FNDC3B: variants seen among roughly 807,000 people sequenced by gnomAD.
The protein encoded by FNDC3B is fibronectin type III domain containing 3B, also known as fibronectin type III domain-containing protein 3B.
FNDC3B carries 12 observed loss-of-function variants against 151.5 expected under a neutral mutation model. That is an observed-to-expected ratio of 0.08 (90% CI 0.05 to 0.13). The LOEUF (loss-of-function observed/expected upper bound fraction) is 0.13, where lower values mean the gene tolerates loss of function less well. FNDC3B is among the 10% of genes least tolerant of loss of function. FNDC3B has a pLI of 1.00. For synonymous variants in FNDC3B, 528 were observed against 549.0 expected (o/e 0.96, Z 0.54); for missense variants, 1,214 against 1,505.3 (o/e 0.81, Z 3.20).
rs1023339307 is a variant in FNDC3B at position 172,400,686 on chromosome 3, A to C, written c.*3211A>C. ...TATATTTATGCCCAATAAATGTTTT[A>C]ATTCTTTCTGACTTAAATAGGGTTT... On this transcript the variant is annotated 3_prime_UTR_variant, in exon 26 of 26. Transcript: ENST00000415807. 1.3e-5 allele frequency: 2 copies of C among 152,496 alleles called. No individual in the cohort carries two copies. The highest frequency in any genetic ancestry group is 2.1e-4 in the South Asian group (1 of 4,826). 9.4% of individuals were successfully genotyped at this position (152,496 alleles called of 1,614,324 possible).
intron 4 of FNDC3B, among the ~76,000 whole-genome samples, chr3:172,246,030 G>A (rs1391152762): frequency 2.0e-5 from 3 of 152,006 alleles, no homozygotes; most frequent in Admixed American, 6.6e-5. Context: ...TCTGTCTTAA[G>A]CACTACTTTT....
rs548970901 is a variant in FNDC3B, at chr3:172,045,531, AC to A, written c.-29+5761del. ...CCTATTACTTGAGCTTTCAGCAATTACAGCTGAGAATGGAAAAGAATCGTAT... is the reference window on the plus strand; with the variant it reads ...CCTATTACTTGAGCTTTCAGCAATTAAGCTGAGAATGGAAAAGAATCGTAT... On this transcript the variant is annotated intron_variant, in intron 1 of 25. Coordinates refer to ENST00000415807, the MANE Select transcript of FNDC3B (RefSeq NM_022763.4). Among the ~76,000 whole-genome samples the A allele has an allele frequency of 2.4e-4, 37 of 152,358 alleles. No homozygotes were observed. The East Asian group carries it at 7.1e-3, about 29-fold the overall frequency.
intron 1 of FNDC3B, among the ~76,000 whole-genome samples, chr3:172,105,437 T>C (rs1330384601): frequency 6.6e-6 from 1 of 152,172 alleles, no homozygotes; most frequent in Non-Finnish European, 1.5e-5. Flanking sequence ...CTTATTGTTT[T>C]ACAAGAGTAT....
intron 6 of FNDC3B, among the ~76,000 whole-genome samples, chr3:172,262,990 A>T (rs1728731860): frequency 6.6e-6 from 1 of 150,534 alleles, no homozygotes; most frequent in Non-Finnish European, 1.5e-5. Context: ...CTTTGTCAAA[A>T]GCAGCTTGTT....
At chr3:172,286,249 T>C (rs1286424357) in intron 7 of FNDC3B, among the ~76,000 whole-genome samples, 1 of 141,326 alleles carries the variant, frequency 7.1e-6, no homozygotes. Context: ...CCAAAGATTC[T>C]TTTTTTTCTC....
chr3:172,078,908 G>A (rs1172312445), intron 1 of FNDC3B, among the ~76,000 whole-genome samples: 1 of 152,184 alleles, frequency 6.6e-6, no homozygotes, highest in African/African-American at 2.4e-5. Flanking sequence ...TGATTGCCAC[G>A]GGAATGTGTT....
chr3:172,185,731 T>C (rs927336760), intron 3 of FNDC3B, among the ~76,000 whole-genome samples: 6 of 152,258 alleles, frequency 3.9e-5, no homozygotes, highest in African/African-American at 1.4e-4. Flanking sequence ...CAATGGAATC[T>C]GTGAATTTTG....
At chr3:172,143,908 A>AAAATAAATAAATAAAT (rs60080346) in intron 3 of FNDC3B, among the ~76,000 whole-genome samples, 43 of 142,040 alleles carry the variant, frequency 3.0e-4, no homozygotes, top group South Asian at 2.1e-3. Flanking sequence ...CCTCCATCTC[A>AAAATAAATAAATAAAT]AAATAAATAA....
In FNDC3B at chr3:172,330,653, C is replaced by G; in HGVS notation, c.1492C>G (p.Pro498Ala). 1.2e-6 allele frequency: 2 copies of G among 1,614,056 alleles called. No homozygotes were observed. Among genetic ancestry groups the G allele is most frequent in the Non-Finnish European group, 1.7e-6 (2 of 1,179,948 alleles). Residue 498 changes from proline to alanine, a missense_variant, in exon 13 of 26, where the codon CCA becomes GCA. Transcript: ENST00000415807. The part of the protein sequence containing the change: ...ITWVTLQWSK[P>A]EGCSPEEVIT... ...ATGGGTCACGTTGCAGTGGAGTAAG[C>G]CAGAAGGCTGTTCACCCGAGGAAGT...
At chr3:172,295,828 C>T (rs1311732787) in intron 8 of FNDC3B, among the ~76,000 whole-genome samples, 3 of 152,190 alleles carry the variant, frequency 2.0e-5, no homozygotes, top group African/African-American at 7.2e-5. Context: ...TTTTTGCATA[C>T]ATTGGGCGAT....
chr3:172,238,629 GGTGGGTACAGACCTTAC>G (rs1228349285), intron 4 of FNDC3B, among the ~76,000 whole-genome samples: 1 of 152,160 alleles, frequency 6.6e-6, no homozygotes, highest in Non-Finnish European at 1.5e-5. Flanking sequence ...GATTGGCTAG[GGTGGGTACAGACCTTAC>G]GTTTCAAATC....
chr3:172,097,531 T>C (rs1054174155), intron 1 of FNDC3B, among the ~76,000 whole-genome samples: 4 of 152,242 alleles, frequency 2.6e-5, no homozygotes, highest in Non-Finnish European at 5.9e-5. Context: ...AAAGTTAACT[T>C]ATATCATTAT....
chr3:172,189,854 T>C (rs1269335872), intron 3 of FNDC3B, among the ~76,000 whole-genome samples: 1 of 151,946 alleles, frequency 6.6e-6, no homozygotes, highest in Non-Finnish European at 1.5e-5. Context: ...AGTCATGTTT[T>C]TATTATTTTT....
chr3:172,392,659 C>T (rs546608904), intron 25 of FNDC3B, among the ~76,000 whole-genome samples: 7 of 151,998 alleles, frequency 4.6e-5, no homozygotes, highest in African/African-American at 1.2e-4. Context: ...TGTAGATTCC[C>T]GCTAACTGAA....
intron 13 of FNDC3B, among the ~76,000 whole-genome samples, chr3:172,332,661 C>T (rs975434350): frequency 3.3e-4 from 50 of 152,164 alleles, no homozygotes; most frequent in African/African-American, 1.0e-3. Context: ...AAGGATTGTG[C>T]CCTTTCCCAT....
chr3:172,176,470 C>T (rs981926035), intron 3 of FNDC3B, among the ~76,000 whole-genome samples: 7 of 152,246 alleles, frequency 4.6e-5, no homozygotes, highest in Admixed American at 2.6e-4. Flanking sequence ...AGTTTCCTTG[C>T]CATAGCCAAA....
chr3:172,369,230 A>G (rs1216735550), intron 23 of FNDC3B, among the ~76,000 whole-genome samples: 2 of 152,174 alleles, frequency 1.3e-5, no homozygotes, highest in African/African-American at 4.8e-5. Flanking sequence ...GAATGGAATT[A>G]GATAGCATTT....
At chr3:172,374,939 A>T (rs899610840) in intron 23 of FNDC3B, among the ~76,000 whole-genome samples, 3 of 152,158 alleles carry the variant, frequency 2.0e-5, no homozygotes, top group East Asian at 1.9e-4. Flanking sequence ...TATTTAATGA[A>T]TTTTTTTGTT....
chr3:172,088,384 A>G (rs193003829), intron 1 of FNDC3B, among the ~76,000 whole-genome samples: 1 of 152,304 alleles, frequency 6.6e-6, no homozygotes. Context: ...CTGAAACCCA[A>G]ATCTCCAGAT....
Sources: allele counts gnomAD v4.1 joint callset (sites outside exome capture counted in the v4.1 genomes callset), GRCh38; gene constraint gnomAD v4.1.1; transcripts MANE v1.5; gene names NCBI Gene and HGNC (gene_info 2026-07-23, HGNC 2026-07-21).